Variants in NDUFAF2 observed in about 807,000 individuals in gnomAD.
NDUFAF2 encodes NADH:ubiquinone oxidoreductase complex assembly factor 2, also known as NADH dehydrogenase [ubiquinone] 1 alpha subcomplex assembly factor 2.
In NDUFAF2, 13 loss-of-function variants were observed where a neutral mutation model predicts 22.8. The ratio of observed to expected loss-of-function variants is 0.57; its 90% CI spans 0.37 to 0.91. The LOEUF is 0.91. NDUFAF2 is among the 40% of genes least tolerant of loss of function. The pLI is 0.01. For synonymous variants in NDUFAF2, 53 were observed against 64.2 expected (o/e 0.83, Z 0.84); for missense variants, 162 against 195.2 (o/e 0.83, Z 1.01).
chr5:61,076,614 G>C (rs1420020634), intron 2 of NDUFAF2, among the ~76,000 whole-genome samples: 2 of 152,180 alleles, frequency 1.3e-5, no homozygotes, highest in African/African-American at 4.8e-5. Context: ...TGTGAATCTG[G>C]GGGGCCTTGT....
chr5:61,040,857 A>G (rs562879217), intron 1 of NDUFAF2, among the ~76,000 whole-genome samples: 1 of 152,326 alleles, frequency 6.6e-6, no homozygotes, highest in Admixed American at 6.5e-5. Context: ...AGTTAGCAAA[A>G]GTAGGATAAC....
At chr5:61,058,078 CT>C (rs1269967669) in intron 1 of NDUFAF2, among the ~76,000 whole-genome samples, 21 of 152,204 alleles carry the variant, frequency 1.4e-4, no homozygotes, top group African/African-American at 4.8e-4. Flanking sequence ...GTCTTTGACT[CT>C]TTTATGGTCT....
At chr5:61,083,290 C>G (rs898560529) in intron 2 of NDUFAF2, 3 of 151,554 alleles carry the variant, frequency 2.0e-5, no homozygotes, top group African/African-American at 7.3e-5. Context: ...ACATTTAAGT[C>G]TTTAAACCAT....
At chr5:60,971,571 GC>G in intron 1 of NDUFAF2, among the ~76,000 whole-genome samples, 1 of 152,114 alleles carries the variant, frequency 6.6e-6, no homozygotes, top group Non-Finnish European at 1.5e-5. Context: ...ACAGGCGTGA[GC>G]CACCGCGCCC....
chr5:61,074,281 G>A (rs1169386586), intron 2 of NDUFAF2, among the ~76,000 whole-genome samples: 4 of 151,984 alleles, frequency 2.6e-5, no homozygotes, highest in African/African-American at 7.2e-5. Context: ...GTGAAACCCC[G>A]TTTCTACTGA....
intron 1 of NDUFAF2, among the ~76,000 whole-genome samples, chr5:60,953,605 T>C (rs967231392): frequency 9.9e-5 from 15 of 152,152 alleles, no homozygotes; most frequent in Non-Finnish European, 1.2e-4. Context: ...AAAAGATTTT[T>C]ATTCTGTCCT....
At chr5:60,962,947 G>A (rs541745690) in intron 1 of NDUFAF2, among the ~76,000 whole-genome samples, 54 of 151,902 alleles carry the variant, frequency 3.6e-4, no homozygotes, top group African/African-American at 1.1e-3. Flanking sequence ...GTGCAGTGGC[G>A]CGATCTCGGC....
intron 1 of NDUFAF2, among the ~76,000 whole-genome samples, chr5:60,971,493 T>C (rs1042697557): frequency 4.6e-5 from 7 of 151,936 alleles, no homozygotes; most frequent in Admixed American, 1.3e-4. Flanking sequence ...TTCACCGTGT[T>C]AGCCAGGATG....
At chr5:61,033,426 G>A (rs1281500553) in intron 1 of NDUFAF2, among the ~76,000 whole-genome samples, 1 of 152,004 alleles carries the variant, frequency 6.6e-6, no homozygotes, top group South Asian at 2.1e-4. Flanking sequence ...TCAAGTAGGG[G>A]CTTTATTACA....
intron 1 of NDUFAF2, among the ~76,000 whole-genome samples, chr5:61,065,704 A>G (rs1458857730): frequency 6.6e-6 from 1 of 152,118 alleles, no homozygotes; most frequent in Non-Finnish European, 1.5e-5. Flanking sequence ...TCAGTGTAAT[A>G]AAGGCCATTT....
chr5:60,979,095 GGT>G (rs1394495491), intron 1 of NDUFAF2, among the ~76,000 whole-genome samples: 1 of 152,120 alleles, frequency 6.6e-6, no homozygotes, highest in Non-Finnish European at 1.5e-5. Flanking sequence ...GGAAATACCT[GGT>G]CCCTGCAGGA....
At chr5:60,959,308 A>AT (rs1750655163) in intron 1 of NDUFAF2, among the ~76,000 whole-genome samples, 2 of 151,880 alleles carry the variant, frequency 1.3e-5, no homozygotes, top group Non-Finnish European at 2.9e-5. Context: ...TCACTGTTAA[A>AT]TTTTTTTTGA....
chr5:60,955,710 A>G (rs1003545845), intron 1 of NDUFAF2, among the ~76,000 whole-genome samples: 2 of 152,132 alleles, frequency 1.3e-5, no homozygotes, highest in African/African-American at 4.8e-5. Context: ...AACATATCAG[A>G]TGTCATTGCA....
intron 1 of NDUFAF2, among the ~76,000 whole-genome samples, chr5:61,011,310 A>G (rs1310171208): frequency 6.6e-6 from 1 of 152,130 alleles, no homozygotes; most frequent in Admixed American, 6.6e-5. Flanking sequence ...TAGCCAGGCC[A>G]TGGACATATG....
chr5:61,116,985 AAAT>A (rs1752920299), intron 3 of NDUFAF2, among the ~76,000 whole-genome samples: 1 of 152,170 alleles, frequency 6.6e-6, no homozygotes, highest in African/African-American at 2.4e-5. Context: ...GGAAAAGGAA[AAAT>A]AATCATTTTC....
intron 1 of NDUFAF2, among the ~76,000 whole-genome samples, chr5:60,956,632 T>TTTGG (rs1750619387): frequency 6.6e-6 from 1 of 152,168 alleles, no homozygotes; most frequent in Non-Finnish European, 1.5e-5. Flanking sequence ...ATTTTGTTGA[T>TTTGG]TTGGTATATC....
rs572799448 is a variant in NDUFAF2, at chr5:61,079,212, C to T, written c.217+5998C>T. Among the ~76,000 whole-genome samples, 16 of 152,210 alleles carry T rather than the reference C, an allele frequency of 1.1e-4. No individual in the cohort carries two copies. The South Asian group carries it at 3.1e-3, about 30-fold the overall frequency. ...ATATCTCAGTATAAAATGTCATACC[C>T]ACTTTTATTGCTTTTAAGTTAATAA... On this transcript the variant is annotated intron_variant, in intron 2 of 3. Transcript: ENST00000296597.
chr5:61,075,023 A>C (rs1026595652), intron 2 of NDUFAF2, among the ~76,000 whole-genome samples: 3 of 152,146 alleles, frequency 2.0e-5, no homozygotes, highest in African/African-American at 7.2e-5. Context: ...AACCGCCCCC[A>C]TGATCTAGTC....
intron 1 of NDUFAF2, among the ~76,000 whole-genome samples, chr5:61,064,894 A>T (rs1382408103): frequency 1.3e-5 from 2 of 152,098 alleles, no homozygotes; most frequent in Non-Finnish European, 2.9e-5. Flanking sequence ...GAAATAAATC[A>T]AATAAGGAAC....
Sources: allele counts gnomAD v4.1 joint callset (sites outside exome capture counted in the v4.1 genomes callset), GRCh38; gene constraint gnomAD v4.1.1; transcripts MANE v1.5; gene names NCBI Gene and HGNC (gene_info 2026-07-23, HGNC 2026-07-21).